The following UNC79 variants were observed in gnomAD, a reference collection of about 807,000 sequenced individuals.
UNC79 encodes protein unc-79 homolog.
UNC79 carries 37 observed loss-of-function variants against 283.1 expected under a neutral mutation model. That is an observed-to-expected ratio of 0.13 (90% CI 0.10 to 0.17). The LOEUF is 0.17. UNC79 is among the 10% of genes least tolerant of loss of function. The probability of loss-of-function intolerance (pLI) is 1.00; values close to 1 mark genes in which losing one functional copy is unlikely to be tolerated. For synonymous variants in UNC79, 1,107 were observed against 1,200.2 expected (o/e 0.92, Z 1.61); for missense variants, 2,272 against 3,211.1 (o/e 0.71, Z 7.07).
chr14:93,694,258 C>A, intron 46 of UNC79, 77 bp from the exon 50 acceptor site: 1 of 1,391,264 alleles, frequency 7.2e-7, no homozygotes, highest in Non-Finnish European at 1.0e-6. Context: ...GGACATCGGT[C>A]TTCTGCGGCT....
rs115134672 is a variant in UNC79, at chr14:93,667,306, C to T, written c.6636+4592C>T. ...AGATCAATACAACAGAAAGGTGGCTCTTTGACTAGACTAATAAAATAGACA... is the reference window on the plus strand; with the variant it reads ...AGATCAATACAACAGAAAGGTGGCTTTTTGACTAGACTAATAAAATAGACA... On this transcript the variant is annotated intron_variant, in intron 40 of 48. Transcript: ENST00000555664. Among the ~76,000 whole-genome samples the T allele has an allele frequency of 8.0e-3, 1,220 of 152,192 alleles. 12 individuals carry two copies. The highest frequency in any genetic ancestry group is 0.028 in the African/African-American group (1,164 of 41,518).
At chr14:93,570,676 T>A (rs2063160477) in intron 14 of UNC79, among the ~76,000 whole-genome samples, 1 of 152,220 alleles carries the variant, frequency 6.6e-6, no homozygotes, top group African/African-American at 2.4e-5. Context: ...TTTTGTGTCC[T>A]TCTTTCCATT....
At chr14:93,423,588 A>G (rs576594401) in intron 1 of UNC79, among the ~76,000 whole-genome samples, 2 of 152,354 alleles carry the variant, frequency 1.3e-5, no homozygotes, top group South Asian at 2.1e-4. Context: ...ATTTTTGACA[A>G]AACTACCAAG....
intron 1 of UNC79, among the ~76,000 whole-genome samples, chr14:93,460,584 A>G (rs1004496334): frequency 5.3e-5 from 8 of 151,898 alleles, no homozygotes; most frequent in Non-Finnish European, 8.8e-5. Flanking sequence ...ACACTTAATG[A>G]TGTATATACT....
intron 7 of UNC79, among the ~76,000 whole-genome samples, chr14:93,507,780 C>A (rs188614868): frequency 3.9e-5 from 6 of 152,204 alleles, no homozygotes; most frequent in Admixed American, 3.9e-4. Context: ...TCTAAGAAGT[C>A]TTTGCCTTCT....
At chr14:93,571,806 C>T in intron 14 of UNC79, 88 bp from the exon 15 acceptor site, 5 of 1,410,236 alleles carry the variant, frequency 3.5e-6, no homozygotes, top group Non-Finnish European at 4.9e-6. Context: ...TGGCCTTTCT[C>T]TGTACCCATT....
At chr14:93,406,391 T>TA (rs2055225871) in intron 1 of UNC79, among the ~76,000 whole-genome samples, 2 of 152,026 alleles carry the variant, frequency 1.3e-5, no homozygotes, top group Admixed American at 1.3e-4. Flanking sequence ...GAGACCAGCC[T>TA]AGGCAACATA....
intron 1 of UNC79, among the ~76,000 whole-genome samples, chr14:93,457,198 A>G (rs1285128319): frequency 6.6e-6 from 1 of 152,246 alleles, no homozygotes; most frequent in Non-Finnish European, 1.5e-5. Flanking sequence ...TTCAACAAAC[A>G]TTTAGGACCA....
chr14:93,558,083 T>G (rs1482131259), intron 14 of UNC79, among the ~76,000 whole-genome samples: 1 of 152,186 alleles, frequency 6.6e-6, no homozygotes, highest in East Asian at 1.9e-4. Context: ...ATAGCGAAGT[T>G]TGTAGCTGAC....
intron 11 of UNC79, among the ~76,000 whole-genome samples, chr14:93,533,855 A>G (rs1416215965): frequency 6.6e-6 from 1 of 152,216 alleles, no homozygotes; most frequent in African/African-American, 2.4e-5. Flanking sequence ...CCTTCTTTCC[A>G]TATGCAAAAT....
intron 14 of UNC79, among the ~76,000 whole-genome samples, chr14:93,554,618 C>T (rs945702234): frequency 1.3e-5 from 2 of 152,098 alleles, no homozygotes; most frequent in Non-Finnish European, 2.9e-5. Flanking sequence ...GATTCTGGCC[C>T]TGTGTTAGCA....
intron 1 of UNC79, chr14:93,347,292 T>A: frequency 6.2e-7 from 1 of 1,605,292 alleles, no homozygotes; most frequent in African/African-American, 1.3e-5. Context: ...GTGGGCGCTG[T>A]CCTGCCCGCC....
intron 40 of UNC79, among the ~76,000 whole-genome samples, chr14:93,666,737 C>T (rs189791223): frequency 6.6e-6 from 1 of 152,028 alleles, no homozygotes; most frequent in East Asian, 1.9e-4. Flanking sequence ...TAACAGTGAG[C>T]AAAGTGGATG....
At chr14:93,700,087 T>TC (rs2075417115) in intron 47 of UNC79, among the ~76,000 whole-genome samples, 1 of 151,486 alleles carries the variant, frequency 6.6e-6, no homozygotes, top group Non-Finnish European at 1.5e-5. Flanking sequence ...TTTTTTTTTT[T>TC]CAATACTTTA....
intron 17 of UNC79, among the ~76,000 whole-genome samples, chr14:93,577,431 G>A (rs1480053802): frequency 6.6e-6 from 1 of 152,170 alleles, no homozygotes; most frequent in Non-Finnish European, 1.5e-5. Context: ...AATCCCCAGA[G>A]ACCATCTTTT....
At chr14:93,606,191 C>T (rs2065879913) in intron 26 of UNC79, among the ~76,000 whole-genome samples, 3 of 152,078 alleles carry the variant, frequency 2.0e-5, no homozygotes, top group Admixed American at 2.0e-4. Context: ...CCAAGAAGTC[C>T]CCTCACATTT....
rs191276405 is a variant in UNC79 at position 93,359,813 on chromosome 14, C to T, written c.-351+26290C>T. On this transcript the variant is annotated intron_variant, in intron 1 of 49. Coordinates refer to the UNC79 transcript ENST00000256339. ...AGAACCCCTTGAATGAAGGGGAGGC[C>T]GGGTCTCTTTGAGGAAGGACCCCAC... Among the ~76,000 whole-genome samples, 21 of 152,262 alleles carry T rather than the reference C, an allele frequency of 1.4e-4. No homozygotes were observed. In the East Asian group the frequency reaches 2.1e-3, roughly 15 times the overall value.
chr14:93,372,400 C>A, intron 1 of UNC79, among the ~76,000 whole-genome samples: 1 of 152,088 alleles, frequency 6.6e-6, no homozygotes, highest in East Asian at 1.9e-4. Context: ...GACCAGAAGA[C>A]GTGACCCAAC....
intron 1 of UNC79, among the ~76,000 whole-genome samples, chr14:93,363,527 C>CAA (rs2054266998): frequency 6.6e-6 from 1 of 152,054 alleles, no homozygotes; most frequent in Non-Finnish European, 1.5e-5. Context: ...TGTTAGTTTT[C>CAA]TGCTTTGAAG....
Sources: gnomAD v4.1 joint callset for allele counts (sites outside exome capture counted in the v4.1 genomes callset) on GRCh38, gnomAD v4.1.1 for gene constraint, MANE v1.5 for transcripts, NCBI Gene and HGNC (gene_info 2026-07-23, HGNC 2026-07-21) for gene names.